Variants in EPB41L2 observed in about 807,000 individuals in gnomAD.
EPB41L2 encodes erythrocyte membrane protein band 4.1 like 2, also known as band 4.1-like protein 2.
In EPB41L2, 43 loss-of-function variants were observed where a neutral mutation model predicts 113.0. The ratio of observed to expected loss-of-function variants is 0.38; its 90% confidence interval spans 0.30 to 0.49. The LOEUF (loss-of-function observed/expected upper bound fraction) is 0.49, where lower values mean the gene tolerates loss of function less well. Among genes scored for constraint, EPB41L2 ranks in the 20% least tolerant of loss-of-function variants. The pLI is 0.95. For synonymous variants in EPB41L2, 442 were observed against 436.7 expected (o/e 1.01, Z -0.15); for missense variants, 1,147 against 1,223.4 (o/e 0.94, Z 0.93).
intron 1 of EPB41L2, among the ~76,000 whole-genome samples, chr6:131,051,183 TTCAC>T (rs1330697164): frequency 1.3e-5 from 2 of 152,024 alleles, no homozygotes; most frequent in African/African-American, 4.8e-5. Flanking sequence ...ACCCTAGATG[TTCAC>T]TCAATCACCT....
chr6:130,850,177 A>G (rs34645602), intron 19 of EPB41L2, among the ~76,000 whole-genome samples: 32 of 152,162 alleles, frequency 2.1e-4, no homozygotes, highest in African/African-American at 7.5e-4. Context: ...GGCGGAAGTT[A>G]CAGTGAACCA....
At chr6:130,871,328 C>G (rs1015962949) in intron 14 of EPB41L2, among the ~76,000 whole-genome samples, 7 of 152,140 alleles carry the variant, frequency 4.6e-5, no homozygotes, top group Non-Finnish European at 8.8e-5. Flanking sequence ...GGTGGTACTA[C>G]TGCCTATGAT....
At chr6:131,046,494 C>A (rs1441036248) in intron 1 of EPB41L2, among the ~76,000 whole-genome samples, 1 of 152,184 alleles carries the variant, frequency 6.6e-6, no homozygotes, top group Non-Finnish European at 1.5e-5. Context: ...ATTCCGGTCA[C>A]TACAGATTCA....
intron 4 of EPB41L2, among the ~76,000 whole-genome samples, chr6:130,920,627 C>T (rs1802574965): frequency 6.6e-6 from 1 of 152,118 alleles, no homozygotes. Context: ...CCCCTCTCCC[C>T]TCCTCCGAAT....
intron 1 of EPB41L2, among the ~76,000 whole-genome samples, chr6:130,977,297 T>C (rs1336884391): frequency 6.6e-6 from 1 of 152,176 alleles, no homozygotes; most frequent in Non-Finnish European, 1.5e-5. Context: ...TCAATGTTCA[T>C]GTACCTCTAC....
chr6:131,005,973 A>G (rs978430949), intron 1 of EPB41L2, among the ~76,000 whole-genome samples: 2 of 152,100 alleles, frequency 1.3e-5, no homozygotes, highest in Non-Finnish European at 2.9e-5. Flanking sequence ...CAGCCAGAAA[A>G]AAAAGGTGCA....
intron 19 of EPB41L2, among the ~76,000 whole-genome samples, chr6:130,847,132 C>T (rs1482975099): frequency 6.6e-6 from 1 of 152,214 alleles, no homozygotes; most frequent in African/African-American, 2.4e-5. Context: ...TACATAACCA[C>T]GATGGAGGTT....
At chr6:130,995,143 T>C (rs530789192) in intron 1 of EPB41L2, among the ~76,000 whole-genome samples, 60 of 151,270 alleles carry the variant, frequency 4.0e-4, no homozygotes, top group Admixed American at 1.7e-3. Flanking sequence ...AAGACCATCC[T>C]GGCTAACACG....
At chr6:131,013,023 A>C (rs923944468) in intron 1 of EPB41L2, among the ~76,000 whole-genome samples, 2 of 152,190 alleles carry the variant, frequency 1.3e-5, no homozygotes, top group African/African-American at 4.8e-5. Flanking sequence ...TTCTAACTAC[A>C]TGACACCCTC....
At chr6:131,020,275 C>T (rs924401556) in intron 1 of EPB41L2, among the ~76,000 whole-genome samples, 2 of 152,002 alleles carry the variant, frequency 1.3e-5, no homozygotes, top group Non-Finnish European at 2.9e-5. Flanking sequence ...TCATTAACTC[C>T]CTCATATTTA....
At chr6:130,929,367 T>A (rs1049246818) in intron 3 of EPB41L2, among the ~76,000 whole-genome samples, 2 of 152,222 alleles carry the variant, frequency 1.3e-5, no homozygotes, top group Non-Finnish European at 2.9e-5. Flanking sequence ...GCTTACTTTT[T>A]ACTTCGGATG....
intron 1 of EPB41L2, among the ~76,000 whole-genome samples, chr6:131,031,902 T>A (rs1792232011): frequency 6.6e-6 from 1 of 152,202 alleles, no homozygotes; most frequent in Non-Finnish European, 1.5e-5. Flanking sequence ...GCCATGAAAC[T>A]CTTTCTTGAA....
intron 1 of EPB41L2, among the ~76,000 whole-genome samples, chr6:131,017,731 C>T (rs1788554149): frequency 6.6e-6 from 1 of 152,146 alleles, no homozygotes; most frequent in African/African-American, 2.4e-5. Flanking sequence ...ATGGTATGGT[C>T]AGTTTTACAC....
intron 4 of EPB41L2, among the ~76,000 whole-genome samples, chr6:130,914,113 G>C (rs939145465): frequency 3.9e-5 from 6 of 152,162 alleles, no homozygotes; most frequent in Non-Finnish European, 8.8e-5. Flanking sequence ...GCTTCTTTAA[G>C]CCTCAATTTC....
chr6:131,027,820 A>G (rs1249160294), intron 1 of EPB41L2, among the ~76,000 whole-genome samples: 1 of 152,252 alleles, frequency 6.6e-6, no homozygotes, highest in African/African-American at 2.4e-5. Context: ...AAAATTTTAA[A>G]AATTAAAACC....
At chr6:131,019,036 C>A (rs1312003391) in intron 1 of EPB41L2, among the ~76,000 whole-genome samples, 1 of 152,158 alleles carries the variant, frequency 6.6e-6, no homozygotes, top group East Asian at 1.9e-4. Flanking sequence ...TTAGGACTGG[C>A]TGACCCATAA....
intron 10 of EPB41L2, among the ~76,000 whole-genome samples, chr6:130,892,403 C>CTTTTTTT (rs60350565): frequency 1.3e-4 from 12 of 92,630 alleles, no homozygotes; most frequent in South Asian, 4.1e-4. Context: ...CAGATTATTG[C>CTTTTTTT]TTTTTTTTTT....
intron 3 of EPB41L2, among the ~76,000 whole-genome samples, chr6:130,928,006 T>C (rs945759114): frequency 3.3e-5 from 5 of 152,064 alleles, no homozygotes; most frequent in South Asian, 4.2e-4. Context: ...GGTGGAAGGA[T>C]TGCTTAAGCC....
intron 1 of EPB41L2, among the ~76,000 whole-genome samples, chr6:131,043,023 G>C (rs1470134782): frequency 3.9e-5 from 6 of 152,196 alleles, no homozygotes; most frequent in Admixed American, 1.3e-4. Context: ...CCGAGGCTGG[G>C]CAAGGTGGCT....
Sources: allele counts gnomAD v4.1 joint callset (sites outside exome capture counted in the v4.1 genomes callset), GRCh38; gene constraint gnomAD v4.1.1; transcripts MANE v1.5; gene names NCBI Gene and HGNC (gene_info 2026-07-23, HGNC 2026-07-21).